Variants in ARVCF observed in about 807,000 individuals in gnomAD.
ARVCF encodes the protein ARVCF delta catenin family member.
In ARVCF, 66 loss-of-function variants were observed where a neutral mutation model predicts 90.9. The observed-to-expected ratio is 0.73, with a 90% CI of 0.60 to 0.89. The LOEUF is 0.89. Among genes scored for constraint, ARVCF ranks in the 40% least tolerant of loss-of-function variants. The pLI is 0.00. For missense variants in ARVCF, 1,469 were observed against 1,382.3 expected (o/e 1.06, Z -1.00); for synonymous variants, 653 against 603.4 (o/e 1.08, Z -1.21).
At chr22:19,972,124 C>T (rs1446489998) in intron 17 of ARVCF, among the ~76,000 whole-genome samples, 153 bp from the exon 18 acceptor site, 1 of 152,148 alleles carries the variant, frequency 6.6e-6, no homozygotes, top group Non-Finnish European at 1.5e-5. Flanking sequence ...AGGCTGGTGC[C>T]AGCTCTCACC....
rs1258143916 is a variant in ARVCF at position 19,973,743 on chromosome 22, C to A, written c.2139G>T (p.Val713=). The A allele has an allele frequency of 6.2e-7, 1 of 1,608,890 alleles. No individual in the cohort carries two copies. The highest frequency in any genetic ancestry group is 2.2e-5 in the East Asian group (1 of 44,884). ...ATVRKERGLP[V]LVELLQSETD... is the part of the protein sequence containing the mutation. ...TCTCAGACTGCAGCAGTTCCACAAG[C>A]ACCGGCAGCCCGCGCTCTTTGCGCA... Residue 713 remains valine (V), a synonymous_variant, in exon 13 of 20, where the codon GTG becomes GTT. Transcript: ENST00000263207.
At chr22:19,968,866 C>T (rs749822167), downstream of ARVCF, 979 of 820,734 alleles carry the variant, frequency 1.2e-3, no homozygotes, top group Middle Eastern at 5.5e-3. Context: ...CCGAGGCCTG[C>T]GCCCTGACAT....
At chr22:19,977,350 A>G (rs1601589818) in intron 9 of ARVCF, 65 bp downstream of exon 9, 3 of 1,465,330 alleles carry the variant, frequency 2.0e-6, no homozygotes, top group Non-Finnish European at 2.7e-6. Context: ...GTGGGTGTAC[A>G]GAGAGCCTTC....
intron 3 of ARVCF, among the ~76,000 whole-genome samples, chr22:19,983,980 C>T (rs534051917): frequency 3.9e-5 from 6 of 152,312 alleles, no homozygotes; most frequent in Admixed American, 2.6e-4. Flanking sequence ...GCTGCCCCAT[C>T]TGTATCTGGC....
intron 3 of ARVCF, among the ~76,000 whole-genome samples, chr22:19,986,142 G>A (rs537013718): frequency 3.3e-5 from 5 of 152,344 alleles, no homozygotes; most frequent in Admixed American, 3.3e-4. Context: ...GAGCAGGGCT[G>A]ACTGTCATCC....
chr22:19,968,925 A>G (rs987233753), downstream of ARVCF: 10 of 600,358 alleles, frequency 1.7e-5, no homozygotes, highest in African/African-American at 1.7e-4. Context: ...TTAAGACTCA[A>G]TCATGACTTC....
intron 8 of ARVCF, 117 bp from the exon 9 acceptor site, chr22:19,977,703 C>G (rs1487882951): frequency 7.3e-7 from 1 of 1,376,010 alleles, no homozygotes; most frequent in African/African-American, 1.5e-5. Context: ...ACAGGGAGTC[C>G]TCAGTGGAGG....
Position 19,975,717 on chromosome 22 carries a change from T to C in ARVCF, c.1929A>G (p.Leu643=). 6.2e-7 allele frequency: 1 copy of C among 1,613,714 alleles called. No individual in the cohort carries two copies. The highest frequency in any genetic ancestry group is 8.5e-7 in the Non-Finnish European group (1 of 1,179,976). The part of the protein sequence containing the change: ...DGEMDRNFDT[L]DLPKRTEAAK... ...CGGCCTCAGTTCGCTTGGGCAGGTC[T>C]AGCGTGTCAAAGTTCCGGTCCATCT... Residue 643 remains leucine, a synonymous_variant, in exon 11 of 20, where the codon CTA becomes CTG. Coordinates refer to ENST00000263207, the MANE Select transcript of ARVCF (RefSeq NM_001670.3).
intron 3 of ARVCF, among the ~76,000 whole-genome samples, chr22:19,984,642 C>T (rs1006710517): frequency 2.6e-5 from 4 of 152,194 alleles, no homozygotes; most frequent in Admixed American, 6.5e-5. Flanking sequence ...GTACCCAGCC[C>T]GGCACAGGCC....
At position 19,981,646 on chromosome 22, in the gene ARVCF, G is replaced by A. The variant is rs750476898; in HGVS notation, c.461C>T (p.Pro154Leu). Residue 154 changes from proline to leucine, a missense_variant, in exon 5 of 20, where the codon CCA (proline) becomes CTA (leucine). Physicochemically the swap from Pro to Leu is moderately conservative, Grantham distance 98. Coordinates refer to ENST00000263207, the MANE Select transcript of ARVCF (RefSeq NM_001670.3). ...GGCACCATCTGCAAAAGGGCCTAGT[G>A]GGGGGCCGCCATCCAGCAGGGGGAG... Reference protein sequence around the residue: ...DGLPLLDGGPPLGPFADGALD... With the variant: ...DGLPLLDGGPLLGPFADGALD... The A allele has an allele frequency of 1.2e-5, 20 of 1,609,512 alleles. No individual in the cohort carries two copies. The highest frequency in any genetic ancestry group is 2.2e-5 in the East Asian group (1 of 44,884).
chr22:19,986,579 C>G (rs536830797), intron 3 of ARVCF: 1 of 153,718 alleles, frequency 6.5e-6, no homozygotes, highest in East Asian at 1.9e-4. Context: ...CTTTGCAGGT[C>G]CCGGGAGTCA....
At chr22:19,968,935 C>T, downstream of ARVCF, 1 of 589,934 alleles carries the variant, frequency 1.7e-6, no homozygotes, top group Non-Finnish European at 3.0e-6. Context: ...ATCATGACTT[C>T]TTTACTAACA....
At chr22:19,992,089 C>T (rs1449097524) in intron 2 of ARVCF, among the ~76,000 whole-genome samples, 2 of 152,216 alleles carry the variant, frequency 1.3e-5, no homozygotes, top group South Asian at 2.1e-4. Flanking sequence ...GGCTCAGCTG[C>T]GCCAGCAACA....
intron 2 of ARVCF, among the ~76,000 whole-genome samples, chr22:19,996,404 A>C (rs1241515562): frequency 1.3e-5 from 2 of 152,014 alleles, no homozygotes; most frequent in African/African-American, 4.8e-5. Context: ...GTTTTGATGA[A>C]ATGACGGGTG....
rs759989970 is a variant in ARVCF at position 19,971,261 on chromosome 22, G to A, written c.2856C>T (p.Asp952=). 11 of 1,555,942 alleles carry A rather than the reference G, an allele frequency of 7.1e-6. No individual in the cohort carries two copies. Among genetic ancestry groups the A allele is most frequent in the African/African-American group, 2.7e-5 (2 of 73,474 alleles). ...PAVRLVDAVG[D]AKPQPVDSWV is the part of the protein sequence containing the mutation. ...AGGAATCAACGGGCTGAGGCTTAGC[G>A]TCCCCTACGGCGTCCACCAGCCTGA... Residue 952 remains aspartate, a synonymous_variant, in exon 19 of 20, where the codon GAC becomes GAT. Transcript: ENST00000263207.
At chr22:19,981,161 A>AG in intron 5 of ARVCF, 50 bp downstream of exon 5, 2 of 1,465,470 alleles carry the variant, frequency 1.4e-6, no homozygotes, top group Non-Finnish European at 1.8e-6. Context: ...TGGGGGGTGG[A>AG]GGGCAGACTT....
At chr22:19,987,014 G>A in intron 3 of ARVCF, 3 of 645,846 alleles carry the variant, frequency 4.6e-6, no homozygotes, top group Non-Finnish European at 8.4e-6. Context: ...GCAGGCCGAC[G>A]CCCCGCCCTC....
downstream of ARVCF, among the ~76,000 whole-genome samples, chr22:19,967,871 T>C (rs1942505656): frequency 6.6e-6 from 1 of 152,252 alleles, no homozygotes. Flanking sequence ...AAGCATCCTA[T>C]GAGGTTTCTC....
chr22:19,967,429 T>G (rs753368847), downstream of ARVCF: 66 of 470,266 alleles, frequency 1.4e-4, 2 homozygotes, highest in South Asian at 1.0e-3. Flanking sequence ...ACATCATGAT[T>G]CATGGTGGTA....
Sources: gnomAD v4.1 joint callset for allele counts (sites outside exome capture counted in the v4.1 genomes callset) on GRCh38, gnomAD v4.1.1 for gene constraint, MANE v1.5 for transcripts, NCBI Gene and HGNC (gene_info 2026-07-23, HGNC 2026-07-21) for gene names.